The following KCTD6 variants were observed in gnomAD, a reference collection of about 807,000 sequenced individuals.
KCTD6 encodes BTB/POZ domain-containing protein KCTD6.
KCTD6 carries 6 observed loss-of-function variants against 18.7 expected under a neutral mutation model. That is an observed-to-expected ratio of 0.32 (90% CI 0.18 to 0.63). The LOEUF (loss-of-function observed/expected upper bound fraction) is 0.63, where lower values mean the gene tolerates loss of function less well. Ranked by LOEUF, KCTD6 falls within the 30% of genes least tolerant of loss-of-function variation. The pLI is 0.79. For missense variants in KCTD6, 165 were observed against 300.2 expected, an observed-to-expected ratio of 0.55 and a Z score of 3.33; for synonymous variants, 86 against 108.5, an observed-to-expected ratio of 0.79 and a Z score of 1.29.
rs942722083 is a variant in KCTD6 at position 58,496,326 on chromosome 3, A to G, written c.-43-2387A>G. On this transcript the variant is annotated intron_variant, in intron 1 of 2. Coordinates refer to ENST00000404589, the MANE Select transcript of KCTD6 (RefSeq NM_001128214.2). This position sits in a 1 kb window ranked among gnomAD's most constrained non-coding sequence, Gnocchi z 5.1. The stretch of plus-strand genomic sequence containing the variant: ...CAATTTCTACCCTAGGAGGGGATTT[A>G]TGGAAAAATCTAGACTAAGAGTCAG... Among the ~76,000 whole-genome samples, 5 of 152,188 alleles carry G rather than the reference A, an allele frequency of 3.3e-5. No individual in the cohort carries two copies. The highest frequency in any genetic ancestry group is 5.9e-5 in the Non-Finnish European group (4 of 68,024).
At chr3:58,499,300 T>C (rs1476274398) in intron 2 of KCTD6, among the ~76,000 whole-genome samples, 3 of 152,188 alleles carry the variant, frequency 2.0e-5, no homozygotes, top group African/African-American at 4.8e-5. Context: ...TAACGTGATT[T>C]TTTATTTTTT....
intron 1 of KCTD6, among the ~76,000 whole-genome samples, chr3:58,494,934 C>T (rs569035488): frequency 6.6e-6 from 1 of 152,228 alleles, no homozygotes; most frequent in South Asian, 2.1e-4. Flanking sequence ...TTCAGCACTG[C>T]TTTATATTCT....
chr3:58,492,785 G>A lies in KCTD6; in HGVS notation c.-44+616G>A, dbSNP rs1454361733. ...ATGGCCATGGTAATGGGGAGCCCTG[G>A]CAGCACCTGCTGGGCTGACAGTGGT... On this transcript the variant is annotated intron_variant, in intron 1 of 2. Coordinates refer to ENST00000404589, the MANE Select transcript of KCTD6 (RefSeq NM_001128214.2). This position sits in a 1 kb window ranked among gnomAD's most constrained non-coding sequence, Gnocchi z 6.1. Among the ~76,000 whole-genome samples, 4 of 152,154 alleles carry A rather than the reference G, an allele frequency of 2.6e-5. No individual in the cohort carries two copies. Among genetic ancestry groups the A allele is most frequent in the African/African-American group, 9.7e-5 (4 of 41,428 alleles).
At chr3:58,499,879 G>A (rs1008653053) in intron 2 of KCTD6, among the ~76,000 whole-genome samples, 6 of 151,942 alleles carry the variant, frequency 3.9e-5, no homozygotes, top group Non-Finnish European at 8.8e-5. Flanking sequence ...CTGAAGGTAT[G>A]TTTTTTAAGA....
In KCTD6 at chr3:58,493,045, A is replaced by G. The variant is rs2063161671; in HGVS notation, c.-44+876A>G. ...AGTATCTCTTCTATATCCCCCTGGC[A>G]TGTTCTTTTTTTCGCTGTCACAAAT... On this transcript the variant is annotated intron_variant, in intron 1 of 2. Coordinates refer to ENST00000404589, the MANE Select transcript of KCTD6 (RefSeq NM_001128214.2). The surrounding 1 kb of genome is among the most constrained non-coding windows in gnomAD (Gnocchi z 4.5). Among the ~76,000 whole-genome samples, 2 of 152,134 alleles carry G rather than the reference A, an allele frequency of 1.3e-5. No individual in the cohort carries two copies. The highest frequency in any genetic ancestry group is 4.1e-4 in the South Asian group (2 of 4,826).
chr3:58,501,611 A>G lies in KCTD6; in HGVS notation c.693A>G (p.Leu231=), dbSNP rs776593367. The G allele has an allele frequency of 7.4e-7, 1 of 1,349,148 alleles. No individual in the cohort carries two copies. Among genetic ancestry groups the G allele is most frequent in the South Asian group, 2.6e-5 (1 of 38,088 alleles). 83.6% of individuals were successfully genotyped at this position (1,349,148 alleles called of 1,614,324 possible). The change falls in exon 3 of 3, where the codon CTA becomes CTG. Residue 231 remains leucine (L), a synonymous_variant. Coordinates refer to ENST00000404589, the MANE Select transcript of KCTD6 (RefSeq NM_001128214.2). This position sits in a 1 kb window ranked among gnomAD's most constrained non-coding sequence, Gnocchi z 9.7. ...TVEHNWTFCR[L]ARKTDD ...AGCACAACTGGACTTTCTGTAGGCTAGCCCGGAAGACAGACGACTGATCTC... is the reference window on the plus strand; with the variant it reads ...AGCACAACTGGACTTTCTGTAGGCTGGCCCGGAAGACAGACGACTGATCTC...
intron 1 of KCTD6, chr3:58,494,558 C>T (rs1319730537): frequency 6.6e-6 from 1 of 152,126 alleles, no homozygotes; most frequent in Non-Finnish European, 1.5e-5. Context: ...TTTATTGCAA[C>T]ATATAGGTAG....
At chr3:58,499,814 A>G (rs546206232) in intron 2 of KCTD6, among the ~76,000 whole-genome samples, 12 of 152,206 alleles carry the variant, frequency 7.9e-5, no homozygotes, top group Middle Eastern at 3.4e-3. Flanking sequence ...TGCTGGGATT[A>G]CAGGTGTGAG....
chr3:58,501,714 G>T lies in KCTD6; in HGVS notation c.*82G>T, dbSNP rs2063205558. On this transcript the variant is annotated 3_prime_UTR_variant, in exon 3 of 3. Transcript: ENST00000404589. This position sits in a 1 kb window ranked among gnomAD's most constrained non-coding sequence, Gnocchi z 9.7. ...TTTTTTTTTTTAAATCACAGTGTGA[G>T]ATATTTTTTTTCTTTTAAATAGTTG... The T allele has an allele frequency of 5.1e-6, 5 of 984,508 alleles. No homozygotes were observed. The South Asian group carries it at 2.6e-4, about 51-fold the overall frequency. 61.0% of individuals were successfully genotyped at this position (984,508 alleles called of 1,614,324 possible).
chr3:58,502,186 C>G lies in KCTD6; in HGVS notation c.*554C>G, dbSNP rs1308441373. On this transcript the variant is annotated 3_prime_UTR_variant, in exon 3 of 3. Transcript: ENST00000404589. ...TTTCTATGCATATAAATCAAGGAAC[C>G]AAATATCTGTAGCCATGGAAATGTC... 6.6e-6 allele frequency: 1 copy of G among 152,172 alleles called. No homozygotes were observed. Among genetic ancestry groups the G allele is most frequent in the Non-Finnish European group, 1.5e-5 (1 of 67,968 alleles). The allele number at this position is 152,172 out of a possible 1,614,324, so 9.4% of individuals were successfully genotyped here.
chr3:58,501,432 G>T lies in KCTD6; in HGVS notation c.514G>T (p.Asp172Tyr). ...KWNKHMMDTR[D>Y]CQVSFTFGPC... ...GAATAAGCACATGATGGACACCAGA[G>T]ACTGCCAGGTTTCCTTTACTTTTGG... The change falls in exon 3 of 3, where the codon GAC becomes TAC. Residue 172 changes from aspartate (D) to tyrosine (Y), a missense_variant. Asp to Tyr is a radical substitution (Grantham distance 160). Around this residue, in one of 2 missense-constraint regions of KCTD6, gnomAD observed 106 missense variants for 230.4 expected, o/e 0.46. Coordinates refer to ENST00000404589, the MANE Select transcript of KCTD6 (RefSeq NM_001128214.2). This position sits in a 1 kb window ranked among gnomAD's most constrained non-coding sequence, Gnocchi z 9.7. 6.5e-7 allele frequency: 1 copy of T among 1,547,990 alleles called. No individual in the cohort carries two copies. Among genetic ancestry groups the T allele is most frequent in the South Asian group, 1.3e-5 (1 of 78,870 alleles).
rs1479491421 is a variant in KCTD6 at position 58,501,274 on chromosome 3, A to C, written c.356A>C (p.Glu119Ala). 1 of 1,614,112 alleles carries C rather than the reference A, an allele frequency of 6.2e-7. No individual in the cohort carries two copies. Among genetic ancestry groups the C allele is most frequent in the Admixed American group, 1.7e-5 (1 of 60,002 alleles). ...KPLYPMDTFE[E>A]VVELSSTRKL... ...TTGTATCCCATGGATACTTTTGAAG[A>C]AGTTGTGGAGCTGTCTAGTACTCGG... Residue 119 changes from glutamate to alanine, a missense_variant, in exon 3 of 3, where the codon GAA becomes GCA. By Grantham distance (107) the Glu-to-Ala change is moderately radical (BLOSUM62 -1). Coordinates refer to ENST00000404589, the MANE Select transcript of KCTD6 (RefSeq NM_001128214.2). The surrounding 1 kb of genome is among the most constrained non-coding windows in gnomAD (Gnocchi z 9.7).
rs756685549 is a variant in KCTD6 at position 58,501,668 on chromosome 3, C to G, written c.*36C>G. On this transcript the variant is annotated 3_prime_UTR_variant, in exon 3 of 3. Transcript: ENST00000404589. This position sits in a 1 kb window ranked among gnomAD's most constrained non-coding sequence, Gnocchi z 9.7. ...TGCCACAGGTTCCTGGAAAGACTCT[C>G]CAGGAAATGGAAGATACTGATTTTT... 1 of 1,265,094 alleles carries G rather than the reference C, an allele frequency of 7.9e-7. No individual in the cohort carries two copies. Among genetic ancestry groups the G allele is most frequent in the Non-Finnish European group, 1.0e-6 (1 of 981,744 alleles). The allele number at this position is 1,265,094 out of a possible 1,614,324, so 78.4% of individuals were successfully genotyped here.
rs559289627 is a variant in KCTD6, at chr3:58,498,474, C to G, written c.-43-239C>G. On this transcript the variant is annotated intron_variant, in intron 1 of 2. Coordinates refer to ENST00000404589, the MANE Select transcript of KCTD6 (RefSeq NM_001128214.2). This position sits in a 1 kb window ranked among gnomAD's most constrained non-coding sequence, Gnocchi z 4.6. The stretch of plus-strand genomic sequence containing the variant: ...TCTCTTAAGTACAGTATAGTTCTTT[C>G]TCTGAAAATCTTCAGTCTCTTAGTT... 1.4e-5 allele frequency: 6 copies of G among 429,002 alleles called. No individual in the cohort carries two copies. Among genetic ancestry groups the G allele is most frequent in the East Asian group, 9.2e-5 (2 of 21,722 alleles). 26.6% of individuals were successfully genotyped at this position (429,002 alleles called of 1,614,324 possible). A position where few individuals can be genotyped will look rare whatever the true frequency, so the allele number is the denominator to read the frequency against.
At chr3:58,500,144 C>A (rs931936270) in intron 2 of KCTD6, among the ~76,000 whole-genome samples, 3 of 150,848 alleles carry the variant, frequency 2.0e-5, no homozygotes, top group Admixed American at 6.6e-5. Context: ...GAGACAAAAT[C>A]TCTCTGTGTC....
Position 58,495,796 on chromosome 3 carries a change from T to A in KCTD6, c.-43-2917T>A, listed in dbSNP as rs547765569. Among the ~76,000 whole-genome samples, 7 of 152,332 alleles carry A rather than the reference T, an allele frequency of 4.6e-5. No homozygotes were observed. The South Asian group carries it at 1.5e-3, about 32-fold the overall frequency. The stretch of plus-strand genomic sequence containing the variant: ...TCCCATAATTGCTTTCCTGAATTAT[T>A]AAGCGTGAGCTTTCATTACATCTTT... On this transcript the variant is annotated intron_variant, in intron 1 of 2. Transcript: ENST00000404589.
chr3:58,497,760 T>C lies in KCTD6; in HGVS notation c.-43-953T>C, dbSNP rs2063185842. ...ACACTTCGGCATTTAAATCACTTTC[T>C]ATTTGTTTTAATTGTACAAAGAGAA... is the stretch of plus-strand genomic sequence containing the variant. On this transcript the variant is annotated intron_variant, in intron 1 of 2. Transcript: ENST00000404589. The surrounding 1 kb of genome is among the most constrained non-coding windows in gnomAD (Gnocchi z 4.2). 6.6e-6 allele frequency: 1 copy of C among 152,184 alleles called. No homozygotes were observed. The highest frequency in any genetic ancestry group is 1.5e-5 in the Non-Finnish European group (1 of 68,038). 9.4% of individuals were successfully genotyped at this position (152,184 alleles called of 1,614,324 possible).
intron 1 of KCTD6, among the ~76,000 whole-genome samples, chr3:58,495,745 G>T (rs1472139239): frequency 1.3e-5 from 2 of 152,108 alleles, no homozygotes; most frequent in Non-Finnish European, 2.9e-5. Context: ...CTTTTGGGTG[G>T]TTTTTAAGAA....
intron 2 of KCTD6, among the ~76,000 whole-genome samples, chr3:58,499,136 A>C (rs954751628): frequency 5.3e-5 from 8 of 151,826 alleles, no homozygotes; most frequent in African/African-American, 1.9e-4. Flanking sequence ...CATCTGGCTA[A>C]TTTTTGTATT....
Sources: gnomAD v4.1 joint callset for allele counts (sites outside exome capture counted in the v4.1 genomes callset) on GRCh38, gnomAD v4.1.1 for gene constraint, gnomAD v4.1.1 regional missense constraint, Gnocchi (gnomAD v3.1) non-coding constraint, MANE v1.5 for transcripts, NCBI Gene and HGNC (gene_info 2026-07-23, HGNC 2026-07-21) for gene names.